The following HVCN1 variants were observed in gnomAD, a reference collection of about 807,000 sequenced individuals.
HVCN1 encodes the protein hydrogen voltage gated channel 1.
In HVCN1, 14 loss-of-function variants were observed where a neutral mutation model predicts 29.2. That is an observed-to-expected ratio of 0.48 (90% confidence interval 0.32 to 0.75). The LOEUF (loss-of-function observed/expected upper bound fraction) is 0.75, where lower values mean the gene tolerates loss of function less well. Ranked by LOEUF, HVCN1 falls within the 30% of genes least tolerant of loss-of-function variation. HVCN1 has a pLI of 0.04. For missense variants in HVCN1, 263 were observed against 341.8 expected (o/e 0.77, Z 1.82); for synonymous variants, 131 against 133.2 (o/e 0.98, Z 0.11).
rs2068182463 is a variant in HVCN1 at position 110,661,761 on chromosome 12, G to T, written c.22-313C>A. Among the ~76,000 whole-genome samples the T allele has an allele frequency of 6.6e-6, 1 of 152,224 alleles. No homozygotes were observed. Among genetic ancestry groups the T allele is most frequent in the African/African-American group, 2.4e-5 (1 of 41,448 alleles). On this transcript the variant is annotated intron_variant, in intron 3 of 7. Transcript: ENST00000242607. This position sits in a 1 kb window ranked among gnomAD's most constrained non-coding sequence, Gnocchi z 6.2. ...GCCACGGGCCCATGTGTGAATACCG[G>T]AAGGGCGGCCCCAAGGTTCAGAGAC...
intron 5 of HVCN1, among the ~76,000 whole-genome samples, chr12:110,653,851 G>C (rs2067898379): frequency 6.6e-6 from 1 of 152,104 alleles, no homozygotes. Flanking sequence ...AATAAAGAGA[G>C]ACATTTGGGA....
In HVCN1 at chr12:110,683,255, G is replaced by T; in HGVS notation, c.-10C>A. ...CGTCCCAGGTGGCCATGTCCCTGTT[G>T]CCTCTGGATCTGAAAAATAAAAAGA... On this transcript the variant is annotated 5_prime_UTR_variant, in exon 3 of 8. Transcript: ENST00000242607. 1 of 1,608,640 alleles carries T rather than the reference G, an allele frequency of 6.2e-7. No individual in the cohort carries two copies. The highest frequency in any genetic ancestry group is 8.5e-7 in the Non-Finnish European group (1 of 1,178,502).
chr12:110,697,753 C>T (rs947514582), intron 2 of HVCN1, among the ~76,000 whole-genome samples: 18 of 151,258 alleles, frequency 1.2e-4, no homozygotes, highest in African/African-American at 3.4e-4. Flanking sequence ...CAGGTTCAAG[C>T]GATTCTCCTG....
At chr12:110,668,912 C>G (rs2068469323) in intron 3 of HVCN1, among the ~76,000 whole-genome samples, 1 of 152,134 alleles carries the variant, frequency 6.6e-6, no homozygotes. Context: ...TCTCTGGCCA[C>G]CCTCCTCAGC....
chr12:110,702,389 C>A (rs2069572568), exon 2 of HVCN1: 1 of 152,110 alleles, frequency 6.6e-6, no homozygotes, highest in Admixed American at 6.6e-5. Flanking sequence ...TTCAGATGAG[C>A]CAGTCTACTT....
At position 110,694,845 on chromosome 12, in the gene HVCN1, C is replaced by T. The variant is rs1314004641; in HGVS notation, c.-103-6137G>A. ...CTCTCTTCTCTGGCACTCGGCTCAG[C>T]CTTCTGCCTCACAGTTCAGAGTCAC... On this transcript the variant is annotated intron_variant, in intron 2 of 4. Coordinates refer to the HVCN1 transcript ENST00000546713. This position sits in a 1 kb window ranked among gnomAD's most constrained non-coding sequence, Gnocchi z 4.6. Among the ~76,000 whole-genome samples the T allele has an allele frequency of 6.6e-6, 1 of 152,222 alleles. No individual in the cohort carries two copies. Among genetic ancestry groups the T allele is most frequent in the Non-Finnish European group, 1.5e-5 (1 of 68,048 alleles).
At chr12:110,690,001 C>T (rs762269001), upstream of HVCN1, among the ~76,000 whole-genome samples, 32 of 152,338 alleles carry the variant, frequency 2.1e-4, no homozygotes, top group Non-Finnish European at 1.8e-4. Context: ...CCTCATGCCG[C>T]TGTTAACAGA....
chr12:110,667,768 G>A (rs2068423410), intron 3 of HVCN1, among the ~76,000 whole-genome samples: 1 of 152,176 alleles, frequency 6.6e-6, no homozygotes, highest in African/African-American at 2.4e-5. Flanking sequence ...TGGCAGACAA[G>A]AGCAGCCTGT....
At chr12:110,669,241 C>T (rs2068483343) in intron 3 of HVCN1, among the ~76,000 whole-genome samples, 1 of 152,100 alleles carries the variant, frequency 6.6e-6, no homozygotes, top group South Asian at 2.1e-4. Context: ...TCCCTCACAC[C>T]CCATCGGTTT....
rs1262268560 is a variant in HVCN1, at chr12:110,694,939, T to A, written c.-103-6231A>T. Among the ~76,000 whole-genome samples the A allele has an allele frequency of 6.6e-6, 1 of 152,182 alleles. No homozygotes were observed. Among genetic ancestry groups the A allele is most frequent in the Non-Finnish European group, 1.5e-5 (1 of 68,026 alleles). ...GGGTGTAAATCCTGCCTCAATGGTT[T>A]CCCTTGCCCGCTGGGTGATCTGTCA... is the stretch of plus-strand genomic sequence containing the variant. On this transcript the variant is annotated intron_variant, in intron 2 of 4. Transcript: ENST00000546713. This position sits in a 1 kb window ranked among gnomAD's most constrained non-coding sequence, Gnocchi z 4.6.
At chr12:110,684,984 A>G (rs1036067674) in intron 2 of HVCN1, among the ~76,000 whole-genome samples, 1 of 152,116 alleles carries the variant, frequency 6.6e-6, no homozygotes, top group Non-Finnish European at 1.5e-5. Context: ...ACTGCTGTGA[A>G]CCTTATTTCC....
intron 4 of HVCN1, among the ~76,000 whole-genome samples, chr12:110,657,508 G>GAAAAAA (rs529473919): frequency 1.0e-4 from 9 of 87,134 alleles, no homozygotes; most frequent in East Asian, 4.6e-4. Context: ...AAAGAAAAAA[G>GAAAAAA]AAAAAAAAAA....
chr12:110,656,574 G>A (rs890763621), intron 4 of HVCN1, among the ~76,000 whole-genome samples: 3 of 152,100 alleles, frequency 2.0e-5, no homozygotes, highest in Non-Finnish European at 4.4e-5. Context: ...GGCCATCACC[G>A]TACCCACCCC....
At chr12:110,700,853 A>G (rs1027174880) in intron 2 of HVCN1, among the ~76,000 whole-genome samples, 3 of 152,214 alleles carry the variant, frequency 2.0e-5, no homozygotes, top group African/African-American at 7.2e-5. Context: ...TTCTTCTGGT[A>G]CCATCGACTG....
intron 3 of HVCN1, among the ~76,000 whole-genome samples, chr12:110,674,125 C>T (rs565515043): frequency 6.6e-6 from 1 of 152,348 alleles, no homozygotes; most frequent in South Asian, 2.1e-4. Context: ...GGGAACCTAC[C>T]TCTTGCATCA....
intron 3 of HVCN1, among the ~76,000 whole-genome samples, chr12:110,663,780 C>T (rs1452114575): frequency 1.3e-5 from 2 of 152,050 alleles, no homozygotes; most frequent in Non-Finnish European, 2.9e-5. Context: ...TACAGTAGAA[C>T]AATCACTTCT....
intron 1 of HVCN1, among the ~76,000 whole-genome samples, chr12:110,703,229 A>ATT (rs1566074525): frequency 2.7e-4 from 39 of 142,226 alleles, no homozygotes; most frequent in African/African-American, 1.1e-3. Context: ...AAAAAAAAAA[A>ATT]ATTAAAAATT....
chr12:110,682,977 AC>A (rs142690393), intron 3 of HVCN1: 13 of 442,438 alleles, frequency 2.9e-5, no homozygotes, highest in African/African-American at 8.4e-5. Context: ...AAAAAAAAAA[AC>A]AAAAAAAACC....
At chr12:110,681,856 AC>A (rs2068989069) in intron 3 of HVCN1, among the ~76,000 whole-genome samples, 4 of 152,096 alleles carry the variant, frequency 2.6e-5, no homozygotes, top group South Asian at 2.1e-4. Flanking sequence ...CCCAATCTTC[AC>A]AACCAATGCC....
Sources: gnomAD v4.1 joint callset for allele counts (sites outside exome capture counted in the v4.1 genomes callset) on GRCh38, gnomAD v4.1.1 for gene constraint, Gnocchi (gnomAD v3.1) non-coding constraint, MANE v1.5 for transcripts, NCBI Gene and HGNC (gene_info 2026-07-23, HGNC 2026-07-21) for gene names.